TTC7B: variants seen among roughly 807,000 people sequenced by gnomAD.
The protein encoded by TTC7B is tetratricopeptide repeat domain 7B, also known as tetratricopeptide repeat protein 7B.
In TTC7B, 28 loss-of-function variants were observed where a neutral mutation model predicts 106.8. That is an observed-to-expected ratio of 0.26 (90% confidence interval 0.19 to 0.36). The LOEUF is 0.36. Among genes scored for constraint, TTC7B ranks in the 10% least tolerant of loss-of-function variants. The pLI, the probability that TTC7B is intolerant of heterozygous loss-of-function variation, is 1.00. For synonymous variants in TTC7B, 405 were observed against 430.6 expected (o/e 0.94, Z 0.74); for missense variants, 862 against 1,076.4 (o/e 0.80, Z 2.79).
intron 19 of TTC7B, among the ~76,000 whole-genome samples, chr14:90,545,065 A>G (rs1385316438): frequency 6.6e-6 from 1 of 152,194 alleles, no homozygotes; most frequent in Non-Finnish European, 1.5e-5. Flanking sequence ...ACTGCTTTAG[A>G]TACAAGAAGA....
intron 19 of TTC7B, among the ~76,000 whole-genome samples, chr14:90,574,932 T>C (rs777540173): frequency 2.0e-4 from 30 of 152,346 alleles, no homozygotes; most frequent in Non-Finnish European, 2.8e-4. Context: ...AGTTGGCTCT[T>C]TGATGCTCCC....
chr14:90,689,669 C>T lies in TTC7B; in HGVS notation c.821G>A (p.Cys274Tyr). The T allele has an allele frequency of 1.2e-6, 2 of 1,614,174 alleles. No homozygotes were observed. The highest frequency in any genetic ancestry group is 1.7e-6 in the Non-Finnish European group (2 of 1,180,024). Residue 274 changes from cysteine to tyrosine, a missense_variant, in exon 7 of 20, where the codon TGT (cysteine) becomes TAT (tyrosine). Transcript: ENST00000328459. ...QLAEILLRGM[C>Y]EQSYWNPLED... The stretch of plus-strand genomic sequence containing the variant: ...CAGAGGGTTCCAGTAGCTCTGCTCA[C>T]ACATACCCCGCAACAAGATCTCTGC...
At chr14:90,800,530 G>A (rs775204992) in intron 1 of TTC7B, among the ~76,000 whole-genome samples, 15 of 152,186 alleles carry the variant, frequency 9.9e-5, no homozygotes, top group Non-Finnish European at 1.6e-4. Flanking sequence ...GTCAGAGTCC[G>A]GCCAGGCGAG....
chr14:90,591,380 C>T (rs965689734), intron 18 of TTC7B, among the ~76,000 whole-genome samples: 1 of 152,156 alleles, frequency 6.6e-6, no homozygotes, highest in Non-Finnish European at 1.5e-5. Flanking sequence ...CAAGCTGAAT[C>T]TTAACCATTA....
chr14:90,660,762 G>T (rs566882104), intron 9 of TTC7B, among the ~76,000 whole-genome samples: 1 of 152,354 alleles, frequency 6.6e-6, no homozygotes, highest in African/African-American at 2.4e-5. Context: ...GATATATACA[G>T]AGGTCACACA....
intron 1 of TTC7B, among the ~76,000 whole-genome samples, chr14:90,800,630 T>G (rs551590698): frequency 2.4e-4 from 37 of 151,718 alleles, no homozygotes; most frequent in Non-Finnish European, 1.9e-4. Flanking sequence ...GCTAACACAG[T>G]GAAACCCTGT....
rs145350249 is a variant in TTC7B, at chr14:90,643,831, C to G, written c.1751+217G>C. 3.3e-4 allele frequency among the ~76,000 whole-genome samples: 51 copies of G among 152,250 alleles called. 1 individual carries two copies. In the East Asian group the frequency reaches 9.5e-3, roughly 28 times the overall value. On this transcript the variant is annotated intron_variant, in intron 15 of 19. Coordinates refer to ENST00000328459, the MANE Select transcript of TTC7B (RefSeq NM_001010854.2). Reference sequence around the variant, plus strand: ...CTCCTGACCTCAGGTGATCCACCCACCTCGGCCTCCCAAAGTGCTGGGATT... The same window carrying G: ...CTCCTGACCTCAGGTGATCCACCCAGCTCGGCCTCCCAAAGTGCTGGGATT...
intron 1 of TTC7B, among the ~76,000 whole-genome samples, chr14:90,786,857 A>G (rs1891409478): frequency 1.3e-5 from 2 of 152,212 alleles, no homozygotes; most frequent in South Asian, 4.1e-4. Flanking sequence ...CTGGGATTAC[A>G]GGCATGAGCC....
intron 18 of TTC7B, among the ~76,000 whole-genome samples, chr14:90,586,004 T>C (rs1429822402): frequency 6.6e-6 from 1 of 152,236 alleles, no homozygotes; most frequent in African/African-American, 2.4e-5. Flanking sequence ...GTAGTTGTTA[T>C]GTGTTTGCTG....
chr14:90,578,190 G>T lies in TTC7B; in HGVS notation c.2226C>A (p.Leu742=). 6.2e-7 allele frequency: 1 copy of T among 1,614,120 alleles called. No individual in the cohort carries two copies. Residue 742 remains leucine (L), a synonymous_variant, in exon 19 of 20, where the codon CTC becomes CTA. Transcript: ENST00000328459. The surrounding 1 kb of genome is among the most constrained non-coding windows in gnomAD (Gnocchi z 4.7). ...GCCGCGCCTCGTCCATGCTTCCCCG[G>T]AGCTCAGCAATCTGGCCGCGCATGT... ...VLYMRGQIAE[L]RGSMDEARRW...
chr14:90,723,527 T>C (rs1390110814), intron 5 of TTC7B, among the ~76,000 whole-genome samples: 2 of 152,152 alleles, frequency 1.3e-5, no homozygotes, highest in East Asian at 3.9e-4. Flanking sequence ...TTCTGATTCT[T>C]GAACACTCCA....
intron 19 of TTC7B, among the ~76,000 whole-genome samples, chr14:90,573,564 C>G (rs554869263): frequency 3.6e-5 from 5 of 138,858 alleles, no homozygotes; most frequent in African/African-American, 1.4e-4. Flanking sequence ...CTCACGGTCC[C>G]TCTCCGGCTC....
intron 3 of TTC7B, among the ~76,000 whole-genome samples, chr14:90,756,070 C>A (rs149015297): frequency 6.6e-6 from 1 of 152,354 alleles, no homozygotes; most frequent in Non-Finnish European, 1.5e-5. Flanking sequence ...CTTACTAACA[C>A]ATGATGCCTT....
At position 90,576,113 on chromosome 14, in the gene TTC7B, A is replaced by G. The variant is rs574892957; in HGVS notation, c.2310+1993T>C. 9.2e-5 allele frequency among the ~76,000 whole-genome samples: 14 copies of G among 152,144 alleles called. No homozygotes were observed. The South Asian group carries it at 1.0e-3, about 11-fold the overall frequency. ...TGAAACAGAAAACTCTCCCGGTGCG[A>G]TTTTCCTATTTGATCTTTTGTCTCA... On this transcript the variant is annotated intron_variant, in intron 19 of 19. Coordinates refer to ENST00000328459, the MANE Select transcript of TTC7B (RefSeq NM_001010854.2).
At chr14:90,604,369 T>C (rs1892554137) in intron 17 of TTC7B, among the ~76,000 whole-genome samples, 1 of 152,256 alleles carries the variant, frequency 6.6e-6, no homozygotes, top group African/African-American at 2.4e-5. Context: ...AGTATCTTCA[T>C]CTTCCATTTC....
chr14:90,551,345 A>C (rs1890072325), intron 19 of TTC7B, among the ~76,000 whole-genome samples: 1 of 152,084 alleles, frequency 6.6e-6, no homozygotes. Context: ...TTGTCCTGTC[A>C]GGGGCTATGT....
At chr14:90,731,217 C>T (rs1310949483) in intron 4 of TTC7B, among the ~76,000 whole-genome samples, 1 of 152,176 alleles carries the variant, frequency 6.6e-6, no homozygotes, top group Admixed American at 6.5e-5. Flanking sequence ...TCCCAAAGTG[C>T]TGGGATTACA....
intron 3 of TTC7B, among the ~76,000 whole-genome samples, chr14:90,760,018 G>A (rs1189175139): frequency 6.6e-6 from 1 of 152,214 alleles, no homozygotes; most frequent in Non-Finnish European, 1.5e-5. Context: ...TAGTTTGAGA[G>A]AGGCAAATGG....
At chr14:90,659,258 G>A (rs1236164536) in intron 9 of TTC7B, among the ~76,000 whole-genome samples, 2 of 150,938 alleles carry the variant, frequency 1.3e-5, no homozygotes, top group African/African-American at 2.5e-5. Context: ...TGGAGTGTGT[G>A]TGTGTGTGTT....
Sources: allele counts gnomAD v4.1 joint callset (sites outside exome capture counted in the v4.1 genomes callset), GRCh38; gene constraint gnomAD v4.1.1; non-coding constraint Gnocchi (gnomAD v3.1); transcripts MANE v1.5; gene names NCBI Gene and HGNC (gene_info 2026-07-23, HGNC 2026-07-21).